Variants in SMAD6 observed in about 807,000 individuals in gnomAD.
The protein encoded by SMAD6 is MAD homolog 6.
In SMAD6, 103 loss-of-function variants were observed where a neutral mutation model predicts 39.4. The ratio of observed to expected loss-of-function variants is 2.62; its 90% confidence interval spans 2.23 to 3.08. SMAD6 has a LOEUF of 3.08. Among genes scored for constraint, SMAD6 ranks in the 30% most tolerant of loss-of-function variants. The pLI, the probability that SMAD6 is intolerant of heterozygous loss-of-function variation, is 0.00. For synonymous variants in SMAD6, 445 were observed against 353.3 expected (o/e 1.26, Z -2.91); for missense variants, 1,104 against 742.9 (o/e 1.49, Z -5.65).
intron 3 of SMAD6, among the ~76,000 whole-genome samples, chr15:66,755,944 G>A (rs750902888): frequency 1.3e-5 from 2 of 152,036 alleles, no homozygotes; most frequent in Admixed American, 6.6e-5. Context: ...GCTTCATGCC[G>A]GGGGAACCCA....
rs1200046857 is a variant in SMAD6 at position 66,782,549 on chromosome 15, A to G, written c.*1014A>G. ...CCAGGGCTGTATTAATGATTTATGT[A>G]AAGGCAGATGGTTTATTTCTACTTT... On this transcript the variant is annotated 3_prime_UTR_variant, in exon 4 of 4. Transcript: ENST00000288840. The G allele has an allele frequency of 6.6e-6, 1 of 152,206 alleles. No homozygotes were observed. The highest frequency in any genetic ancestry group is 1.5e-5 in the Non-Finnish European group (1 of 68,042). 9.4% of individuals were successfully genotyped at this position (152,206 alleles called of 1,614,324 possible).
chr15:66,717,256 A>G, intron 3 of SMAD6: 1 of 619,746 alleles, frequency 1.6e-6, no homozygotes, highest in Non-Finnish European at 2.7e-6. Context: ...ACAGCCCCTC[A>G]GGCTGGGGCT....
At chr15:66,778,573 C>A (rs1412702256) in intron 3 of SMAD6, among the ~76,000 whole-genome samples, 1 of 152,254 alleles carries the variant, frequency 6.6e-6, no homozygotes, top group African/African-American at 2.4e-5. Flanking sequence ...GATAGTGACA[C>A]CTCAGCTTGT....
At chr15:66,706,482 C>T (rs1181944556) in intron 1 of SMAD6, 1 of 152,298 alleles carries the variant, frequency 6.6e-6, no homozygotes, top group African/African-American at 2.4e-5. Context: ...CCTCTTGCCC[C>T]TGGCCTGAGA....
intron 3 of SMAD6, among the ~76,000 whole-genome samples, chr15:66,739,934 C>G (rs748006355): frequency 1.8e-4 from 27 of 152,328 alleles, no homozygotes; most frequent in Non-Finnish European, 3.1e-4. Flanking sequence ...ACCACTGCAC[C>G]TGGCTGTTAT....
chr15:66,725,066 C>T (rs1002110015), intron 3 of SMAD6, among the ~76,000 whole-genome samples: 10 of 152,344 alleles, frequency 6.6e-5, no homozygotes, highest in East Asian at 1.9e-4. Flanking sequence ...CTGTAACAAT[C>T]GGGAACTGCG....
At chr15:66,772,669 T>G (rs1312697153) in intron 3 of SMAD6, among the ~76,000 whole-genome samples, 1 of 152,236 alleles carries the variant, frequency 6.6e-6, no homozygotes, top group Non-Finnish European at 1.5e-5. Context: ...AGCACTCTGA[T>G]GAAGTAACCA....
intron 2 of SMAD6, 115 bp downstream of exon 2, chr15:66,711,839 G>A: frequency 1.2e-6 from 1 of 862,388 alleles, no homozygotes; most frequent in South Asian, 1.4e-5. Flanking sequence ...GGGGAGGGGT[G>A]AAAGCCGGAC....
rs372384129 is a variant in SMAD6, at chr15:66,729,531, G to C, written c.952+13033G>C. 6.6e-5 allele frequency among the ~76,000 whole-genome samples: 10 copies of C among 152,238 alleles called. No homozygotes were observed. The East Asian group carries it at 1.4e-3, about 21-fold the overall frequency. ...ACACACAGACGGGCAGTGTCCTTTG[G>C]GGCTTTGGATCCTTGGATTTCAGGG... On this transcript the variant is annotated intron_variant, in intron 3 of 3. Transcript: ENST00000288840.
At chr15:66,719,930 G>A (rs1373378010) in intron 3 of SMAD6, among the ~76,000 whole-genome samples, 1 of 152,198 alleles carries the variant, frequency 6.6e-6, no homozygotes, top group African/African-American at 2.4e-5. Context: ...GGTGGAGGGA[G>A]GCTAGAATGC....
At chr15:66,706,481 C>T (rs1233899390) in intron 1 of SMAD6, 1 of 152,276 alleles carries the variant, frequency 6.6e-6, no homozygotes, top group Non-Finnish European at 1.5e-5. Context: ...TCCTCTTGCC[C>T]CTGGCCTGAG....
Position 66,775,253 on chromosome 15 carries a change from C to T in SMAD6, c.953-5744C>T, listed in dbSNP as rs546380919. ...ACCGCGAACCCTGTGTCTGGCCTCTCGTGCTCAATGGGATGCCCTTCAGAT... is the reference window on the plus strand; with the variant it reads ...ACCGCGAACCCTGTGTCTGGCCTCTTGTGCTCAATGGGATGCCCTTCAGAT... On this transcript the variant is annotated intron_variant, in intron 3 of 3. Coordinates refer to ENST00000288840, the MANE Select transcript of SMAD6 (RefSeq NM_005585.5). 3.3e-5 allele frequency among the ~76,000 whole-genome samples: 5 copies of T among 152,270 alleles called. No homozygotes were observed. In the East Asian group the frequency reaches 7.7e-4, roughly 23 times the overall value.
intron 3 of SMAD6, among the ~76,000 whole-genome samples, chr15:66,743,044 A>T (rs1274901286): frequency 6.6e-6 from 1 of 151,994 alleles, no homozygotes; most frequent in Non-Finnish European, 1.5e-5. Context: ...CCTCTGTCAA[A>T]TAACAGGTCC....
intron 3 of SMAD6, among the ~76,000 whole-genome samples, chr15:66,739,324 C>T (rs1374712592): frequency 1.3e-5 from 2 of 152,142 alleles, no homozygotes; most frequent in African/African-American, 4.8e-5. Context: ...CTCCTGACCT[C>T]GTGATCTGCC....
chr15:66,757,578 C>G lies in SMAD6; in HGVS notation c.953-23419C>G, dbSNP rs142509456. On this transcript the variant is annotated intron_variant, in intron 3 of 3. Coordinates refer to ENST00000288840, the MANE Select transcript of SMAD6 (RefSeq NM_005585.5). ...TCTCCCAGGCCGGGGGCTGGTCTGC[C>G]TTGATGCCGGCCCCTTCTGGCCCTT... Among the ~76,000 whole-genome samples, 736 of 152,302 alleles carry G rather than the reference C, an allele frequency of 4.8e-3. 3 individuals are homozygous for G. Among genetic ancestry groups the G allele is most frequent in the African/African-American group, 0.016 (685 of 41,558 alleles).
intron 3 of SMAD6, among the ~76,000 whole-genome samples, chr15:66,718,402 G>T (rs1168218911): frequency 1.3e-5 from 2 of 152,158 alleles, no homozygotes; most frequent in African/African-American, 4.8e-5. Flanking sequence ...AGCAGTCTTT[G>T]GTACTGGGTG....
chr15:66,769,984 C>G (rs534451646), intron 3 of SMAD6, among the ~76,000 whole-genome samples: 2 of 152,314 alleles, frequency 1.3e-5, no homozygotes, highest in East Asian at 3.9e-4. Flanking sequence ...TCCGCCACCA[C>G]GCCCAGCTGA....
chr15:66,756,758 C>T (rs940163896), intron 3 of SMAD6, among the ~76,000 whole-genome samples: 1 of 152,218 alleles, frequency 6.6e-6, no homozygotes, highest in Non-Finnish European at 1.5e-5. Context: ...CTTAACTTGC[C>T]TAAAATCACA....
intron 1 of SMAD6, among the ~76,000 whole-genome samples, chr15:66,710,939 C>A (rs1797027840): frequency 6.6e-6 from 1 of 152,150 alleles, no homozygotes; most frequent in Admixed American, 6.5e-5. Flanking sequence ...CTGGGTTTGG[C>A]CTTTTGGGTC....
Sources: gnomAD v4.1 joint callset for allele counts (sites outside exome capture counted in the v4.1 genomes callset) on GRCh38, gnomAD v4.1.1 for gene constraint, MANE v1.5 for transcripts, NCBI Gene and HGNC (gene_info 2026-07-23, HGNC 2026-07-21) for gene names.